CACNA1I: variants seen among roughly 807,000 people sequenced by gnomAD.
The protein encoded by CACNA1I is calcium voltage-gated channel subunit alpha1 I.
CACNA1I carries 74 observed loss-of-function variants against 201.6 expected under a neutral mutation model. That is an observed-to-expected ratio of 0.37 (90% CI 0.30 to 0.45). The LOEUF is 0.45. Among genes scored for constraint, CACNA1I ranks in the 20% least tolerant of loss-of-function variants. The pLI, the probability that CACNA1I is intolerant of heterozygous loss-of-function variation, is 1.00. For missense variants in CACNA1I, 2,346 were observed against 3,138.1 expected (o/e 0.75, Z 6.03); for synonymous variants, 1,431 against 1,345.2 (o/e 1.06, Z -1.40).
At position 39,688,310 on chromosome 22, in the gene CACNA1I, G is replaced by A. The variant is rs1935944695; in HGVS notation, c.*1905G>A. On this transcript the variant is annotated 3_prime_UTR_variant, in exon 37 of 37. Coordinates refer to ENST00000402142, the MANE Select transcript of CACNA1I (RefSeq NM_021096.4). This position sits in a 1 kb window ranked among gnomAD's most constrained non-coding sequence, Gnocchi z 4.8. ...GTCCTCCCTGGGGGCAGGTAGACCTGTGGGGATGGCTCGGTCCAAGCCCAA... is the reference window on the plus strand; with the variant it reads ...GTCCTCCCTGGGGGCAGGTAGACCTATGGGGATGGCTCGGTCCAAGCCCAA... The A allele has an allele frequency of 6.6e-6, 1 of 152,576 alleles. No homozygotes were observed. The highest frequency in any genetic ancestry group is 1.5e-5 in the Non-Finnish European group (1 of 68,342). The allele number at this position is 152,576 out of a possible 1,614,324, so 9.5% of individuals were successfully genotyped here. A position where few individuals can be genotyped will look rare whatever the true frequency, so the allele number is the denominator to read the frequency against.
At chr22:39,613,205 A>G (rs1933432107) in intron 3 of CACNA1I, among the ~76,000 whole-genome samples, 1 of 150,186 alleles carries the variant, frequency 6.7e-6, no homozygotes, top group African/African-American at 2.5e-5. Flanking sequence ...TTTTTTTCTG[A>G]TCTTGTCCCT....
At chr22:39,661,608 C>T (rs1414780268) in intron 16 of CACNA1I, among the ~76,000 whole-genome samples, 1 of 152,228 alleles carries the variant, frequency 6.6e-6, no homozygotes, top group African/African-American at 2.4e-5. Flanking sequence ...AGCTTGAATC[C>T]ACCTTCTGCC....
chr22:39,663,862 G>A (rs1935101236), intron 19 of CACNA1I, 21 bp downstream of exon 19: 2 of 1,612,732 alleles, frequency 1.2e-6, no homozygotes, highest in Non-Finnish European at 1.7e-6. Flanking sequence ...GTAGCCTTTG[G>A]GCAGGGCAGG....
chr22:39,614,158 C>G (rs1933464233), intron 3 of CACNA1I, among the ~76,000 whole-genome samples: 1 of 152,058 alleles, frequency 6.6e-6, no homozygotes, highest in East Asian at 1.9e-4. Flanking sequence ...TGACATGGGC[C>G]CCTTCTGTCT....
chr22:39,647,575 C>G (rs1934527875), intron 8 of CACNA1I, among the ~76,000 whole-genome samples: 1 of 152,164 alleles, frequency 6.6e-6, no homozygotes, highest in African/African-American at 2.4e-5. Flanking sequence ...CCATGCCCGG[C>G]TAATTTTTTA....
In CACNA1I at chr22:39,673,012, C is replaced by A; in HGVS notation, c.4713C>A (p.Ile1571=). The A allele has an allele frequency of 1.2e-6, 2 of 1,613,786 alleles. No individual in the cohort carries two copies. Among genetic ancestry groups the A allele is most frequent in the Non-Finnish European group, 1.7e-6 (2 of 1,179,800 alleles). ...LSVMGITLEE[I]EINAALPINP... The stretch of plus-strand genomic sequence containing the variant: ...TCATGGGCATCACCCTGGAGGAGAT[C>A]GAGATCAATGCGGCCCTGCCCATCA... Residue 1571 remains isoleucine, a synonymous_variant, in exon 28 of 37, where the codon ATC becomes ATA. Transcript: ENST00000402142.
Position 39,686,685 on chromosome 22 carries a change from T to C in CACNA1I, c.*280T>C, listed in dbSNP as rs1413123262. 2.7e-5 allele frequency: 4 copies of C among 148,184 alleles called. No individual in the cohort carries two copies. The East Asian group carries it at 7.9e-4, about 29-fold the overall frequency. 9.2% of individuals were successfully genotyped at this position (148,184 alleles called of 1,614,324 possible). The stretch of plus-strand genomic sequence containing the variant: ...ACACACACACATAGACAGACATATA[T>C]ATATATATTTATTTTTTTTACTGAG... On this transcript the variant is annotated 3_prime_UTR_variant, in exon 37 of 37. Coordinates refer to ENST00000402142, the MANE Select transcript of CACNA1I (RefSeq NM_021096.4).
intron 1 of CACNA1I, among the ~76,000 whole-genome samples, chr22:39,594,822 T>C (rs1932861206): frequency 6.6e-6 from 1 of 151,988 alleles, no homozygotes; most frequent in South Asian, 2.1e-4. Context: ...AGATTTACAG[T>C]AGCACCCCCC....
chr22:39,659,912 G>A lies in CACNA1I; in HGVS notation c.2604+60G>A. On this transcript the variant is annotated intron_variant, in intron 14 of 36. Coordinates refer to ENST00000402142, the MANE Select transcript of CACNA1I (RefSeq NM_021096.4). The surrounding 1 kb of genome is among the most constrained non-coding windows in gnomAD (Gnocchi z 4.3). Reference sequence around the variant, plus strand: ...AGGGTCTGCGAAAGACTGGGCGAGGGAGAGGTGGCCTGGATGGGGGAGGGC... The same window carrying A: ...AGGGTCTGCGAAAGACTGGGCGAGGAAGAGGTGGCCTGGATGGGGGAGGGC... 1.9e-6 allele frequency: 3 copies of A among 1,600,318 alleles called. No homozygotes were observed. Among genetic ancestry groups the A allele is most frequent in the Non-Finnish European group, 1.7e-6 (2 of 1,168,824 alleles).
In CACNA1I at chr22:39,661,198, C is replaced by T. The variant is rs761885563; in HGVS notation, c.2789C>T (p.Ala930Val). The change falls in exon 16 of 37, where the codon GCG becomes GTG. Residue 930 changes from alanine to valine, a missense_variant. Physicochemically the swap from Ala to Val is moderately conservative, Grantham distance 64. This residue lies in a region of CACNA1I where 92 missense variants were observed against 114.5 expected (regional missense o/e 0.80). Coordinates refer to ENST00000402142, the MANE Select transcript of CACNA1I (RefSeq NM_021096.4). Reference sequence around the variant, plus strand: ...GGGCACCTAGGTCCTGCTGGGGCTGCGGGACCTGCCCCCCGACTCTCACTG... The same window carrying T: ...GGGCACCTAGGTCCTGCTGGGGCTGTGGGACCTGCCCCCCGACTCTCACTG... ...LGGHLGPAGA[A>V]GPAPRLSLQP... is the part of the protein sequence containing the mutation. The T allele has an allele frequency of 5.0e-6, 8 of 1,611,828 alleles. No individual in the cohort carries two copies. Among genetic ancestry groups the T allele is most frequent in the Admixed American group, 3.3e-5 (2 of 59,828 alleles).
At chr22:39,637,660 T>C (rs946311374) in intron 5 of CACNA1I, among the ~76,000 whole-genome samples, 4 of 152,210 alleles carry the variant, frequency 2.6e-5, no homozygotes, top group Non-Finnish European at 5.9e-5. Context: ...GTGTACTCAC[T>C]CAGCGGAATA....
At chr22:39,662,581 G>T in intron 17 of CACNA1I, 146 bp downstream of exon 17, 1 of 723,044 alleles carries the variant, frequency 1.4e-6, no homozygotes, top group Non-Finnish European at 2.2e-6. Flanking sequence ...CAGGTGTGAG[G>T]CAGGAGGGGT....
chr22:39,662,393 C>T lies in CACNA1I; in HGVS notation c.3330C>T (p.Gly1110=), dbSNP rs1422413564. 3 of 1,471,748 alleles carry T rather than the reference C, an allele frequency of 2.0e-6. No homozygotes were observed. Among genetic ancestry groups the T allele is most frequent in the Admixed American group, 2.7e-5 (1 of 37,534 alleles). The allele number at this position is 1,471,748 out of a possible 1,614,324, so 91.2% of individuals were successfully genotyped here. ...CCAAAGACGTCTTCACCAAGATGGGCGACCGCGGGGATCGCGGGGAGGATG... is the reference window on the plus strand; with the variant it reads ...CCAAAGACGTCTTCACCAAGATGGGTGACCGCGGGGATCGCGGGGAGGATG... ...SIAKDVFTKM[G]DRGDRGEDEE... Residue 1110 remains glycine (G), a synonymous_variant, in exon 17 of 37, where the codon GGC becomes GGT. Coordinates refer to ENST00000402142, the MANE Select transcript of CACNA1I (RefSeq NM_021096.4).
intron 3 of CACNA1I, 60 bp from the exon 4 acceptor site, chr22:39,619,250 C>CG (rs986515682): frequency 1.5e-6 from 2 of 1,325,504 alleles, no homozygotes; most frequent in African/African-American, 2.9e-5. Context: ...TGCTGTGGCC[C>CG]GGGCCCTGGC....
In CACNA1I at chr22:39,619,549, G is replaced by T; in HGVS notation, c.580+142G>T. On this transcript the variant is annotated intron_variant, in intron 4 of 36. Coordinates refer to ENST00000402142, the MANE Select transcript of CACNA1I (RefSeq NM_021096.4). The stretch of plus-strand genomic sequence containing the variant: ...CTGATTAGGGCCCGGGTGTGCTCAG[G>T]GATCCTGCGGTGTCTATCTAGACAG... The T allele has an allele frequency of 4.5e-6, 3 of 665,520 alleles. No homozygotes were observed. The East Asian group carries it at 8.0e-5, about 18-fold the overall frequency. 41.2% of individuals were successfully genotyped at this position (665,520 alleles called of 1,614,324 possible). A position where few individuals can be genotyped will look rare whatever the true frequency, so the allele number is the denominator to read the frequency against.
chr22:39,624,887 G>T (rs868102135), intron 4 of CACNA1I, among the ~76,000 whole-genome samples: 12 of 150,058 alleles, frequency 8.0e-5, no homozygotes, highest in South Asian at 2.1e-4. Flanking sequence ...GGTTTGAGCT[G>T]CTTCTGCCCT....
intron 33 of CACNA1I, among the ~76,000 whole-genome samples, chr22:39,680,471 C>T (rs1935670094): frequency 6.6e-6 from 1 of 152,198 alleles, no homozygotes; most frequent in Admixed American, 6.5e-5. Flanking sequence ...AGCTGGAGGA[C>T]TGGGCTGCCC....
At position 39,679,410 on chromosome 22, in the gene CACNA1I, G is replaced by GGC; in HGVS notation, c.5361_5362dup (p.Gly1788AlafsTer22). 1 of 1,440,644 alleles carries GGC rather than the reference G, an allele frequency of 6.9e-7. No individual in the cohort carries two copies. The highest frequency in any genetic ancestry group is 9.0e-7 in the Non-Finnish European group (1 of 1,109,764). The allele number at this position is 1,440,644 out of a possible 1,614,324, so 89.2% of individuals were successfully genotyped here. On this transcript the variant is annotated frameshift_variant, in exon 32 of 37. Coordinates refer to ENST00000402142, the MANE Select transcript of CACNA1I (RefSeq NM_021096.4). LOFTEE classifies it high-confidence loss of function. Reference sequence around the variant, plus strand: ...GGCGGGCGGCGGGGGCGACACCGAGGGCGGCTTGTGCCGGCGCTGCTACTC... The same window carrying GGC: ...GGCGGGCGGCGGGGGCGACACCGAGGGCGCGGCTTGTGCCGGCGCTGCTACTC...
chr22:39,680,939 G>T lies in CACNA1I; in HGVS notation c.5551G>T (p.Ala1851Ser). The change falls in exon 34 of 37, where the codon GCT becomes TCT. Residue 1851 changes from alanine (A) to serine (S), a missense_variant. By Grantham distance (99) the Ala-to-Ser change is moderately conservative (BLOSUM62 1). Transcript: ENST00000402142. ...CCCCCTCTTCCTGCAGGTGCAGCTG[G>T]CTGAGACGGAGGCCTTCTCCCTGAA... ...CHHDKQEVQLAETEAFSLNSD... is the reference protein window; with the variant it reads ...CHHDKQEVQLSETEAFSLNSD... 6.2e-7 allele frequency: 1 copy of T among 1,610,250 alleles called. No homozygotes were observed.
Sources: allele counts gnomAD v4.1 joint callset (sites outside exome capture counted in the v4.1 genomes callset), GRCh38; gene constraint gnomAD v4.1.1; regional missense constraint gnomAD v4.1.1; non-coding constraint Gnocchi (gnomAD v3.1); transcripts MANE v1.5; gene names NCBI Gene and HGNC (gene_info 2026-07-23, HGNC 2026-07-21).